PPP2R2B: variants seen among roughly 807,000 people sequenced by gnomAD.
PPP2R2B encodes the protein protein phosphatase 2 regulatory subunit Bbeta.
A neutral mutation model predicts 46.0 loss-of-function variants in PPP2R2B; 5 were observed. The ratio of observed to expected loss-of-function variants is 0.11; its 90% CI spans 0.06 to 0.23. The LOEUF is 0.23. Among genes scored for constraint, PPP2R2B ranks in the 10% least tolerant of loss-of-function variants. The probability of loss-of-function intolerance (pLI) is 1.00; values close to 1 mark genes in which losing one functional copy is unlikely to be tolerated. For missense variants in PPP2R2B, 367 were observed against 575.0 expected (o/e 0.64, Z 3.70); for synonymous variants, 215 against 206.7 (o/e 1.04, Z -0.34).
intron 5 of PPP2R2B, among the ~76,000 whole-genome samples, chr5:146,671,084 C>T (rs561000734): frequency 1.3e-5 from 2 of 151,980 alleles, no homozygotes; most frequent in Non-Finnish European, 2.9e-5. Flanking sequence ...TTGATGTCAT[C>T]AGAATAATTT....
chr5:146,700,769 C>T (rs984842127), intron 3 of PPP2R2B, among the ~76,000 whole-genome samples: 4 of 152,302 alleles, frequency 2.6e-5, no homozygotes, highest in Admixed American at 6.5e-5. Flanking sequence ...GCTCAACAAG[C>T]ACCCATGGAA....
intron 2 of PPP2R2B, among the ~76,000 whole-genome samples, chr5:146,787,544 G>C (rs888607005): frequency 6.7e-6 from 1 of 148,588 alleles, no homozygotes; most frequent in African/African-American, 2.5e-5. Flanking sequence ...CTCCCCTCTC[G>C]CCTCTCCCCT....
chr5:146,589,974 T>G lies in PPP2R2B; in HGVS notation c.1305A>C (p.Leu435=), dbSNP rs201706230. 4.3e-6 allele frequency: 7 copies of G among 1,614,098 alleles called. No individual in the cohort carries two copies. The East Asian group carries it at 1.6e-4, about 36-fold the overall frequency. Residue 435 remains leucine (L), a synonymous_variant, in exon 10 of 10, where the codon CTA becomes CTC. Transcript: ENST00000394411. ...NIIAVAATNN[L]YIFQDKVN ...AGTTAACCTTGTCCTGGAATATATATAGGTTATTTGTAGCCGCCACTGCTA... is the reference window on the plus strand; with the variant it reads ...AGTTAACCTTGTCCTGGAATATATAGAGGTTATTTGTAGCCGCCACTGCTA...
intron 2 of PPP2R2B, among the ~76,000 whole-genome samples, chr5:147,066,222 A>G (rs1561609787): frequency 6.6e-6 from 1 of 152,188 alleles, no homozygotes; most frequent in Non-Finnish European, 1.5e-5. Context: ...GCCAAAATCT[A>G]GGTATTGGAA....
Position 146,589,067 on chromosome 5 carries a change from C to CATTGA in PPP2R2B, c.*879_*880insTCAAT, listed in dbSNP as rs1770330617. ...CAGATAATAAGCACCCAGGACTCGGCCTTTAGAAGTCAATGGAATAAATAA... is the reference window on the plus strand; with the variant it reads ...CAGATAATAAGCACCCAGGACTCGGCATTGACTTTAGAAGTCAATGGAATAAATAA... On this transcript the variant is annotated 3_prime_UTR_variant, in exon 10 of 10. Coordinates refer to ENST00000394411, the MANE Select transcript of PPP2R2B (RefSeq NM_181675.4). 6.6e-6 allele frequency: 1 copy of CATTGA among 152,046 alleles called. No individual in the cohort carries two copies. Among genetic ancestry groups the CATTGA allele is most frequent in the Non-Finnish European group, 1.5e-5 (1 of 68,048 alleles). The allele number at this position is 152,046 out of a possible 1,614,324, so 9.4% of individuals were successfully genotyped here. A position where few individuals can be genotyped will look rare whatever the true frequency, so the allele number is the denominator to read the frequency against.
chr5:147,031,872 T>C (rs1561588315), intron 1 of PPP2R2B, among the ~76,000 whole-genome samples: 1 of 152,154 alleles, frequency 6.6e-6, no homozygotes, highest in Non-Finnish European at 1.5e-5. Context: ...GATTCTCAAC[T>C]CTCACCTTAT....
intron 2 of PPP2R2B, among the ~76,000 whole-genome samples, chr5:146,834,842 G>C (rs1034120850): frequency 1.2e-4 from 18 of 152,066 alleles, no homozygotes; most frequent in Non-Finnish European, 2.1e-4. Context: ...AGTATTCAAT[G>C]TTTAGCTCCA....
intron 5 of PPP2R2B, among the ~76,000 whole-genome samples, chr5:146,668,235 C>T (rs1354371778): frequency 6.6e-6 from 1 of 152,190 alleles, no homozygotes; most frequent in African/African-American, 2.4e-5. Flanking sequence ...TTTGACAACC[C>T]TCCTGGAATC....
At chr5:147,022,931 C>A (rs536337972) in intron 1 of PPP2R2B, among the ~76,000 whole-genome samples, 3 of 152,096 alleles carry the variant, frequency 2.0e-5, no homozygotes, top group African/African-American at 7.2e-5. Context: ...TGAGTGAATT[C>A]ATTGTCATGC....
chr5:146,862,241 C>G (rs1177509194), intron 2 of PPP2R2B, among the ~76,000 whole-genome samples: 2 of 152,168 alleles, frequency 1.3e-5, no homozygotes, highest in East Asian at 3.8e-4. Flanking sequence ...GGCTGCTCTC[C>G]TAACTACAGA....
At chr5:146,881,529 C>T (rs1762168243), upstream of PPP2R2B, among the ~76,000 whole-genome samples, 1 of 152,166 alleles carries the variant, frequency 6.6e-6, no homozygotes, top group Admixed American at 6.5e-5. Flanking sequence ...TCTCATGCGT[C>T]AGACTCCTGA....
At chr5:147,077,306 ACACACC>A (rs768095229) in intron 2 of PPP2R2B, among the ~76,000 whole-genome samples, 4,908 of 140,956 alleles carry the variant, frequency 0.035, 112 homozygotes, top group East Asian at 0.13. Context: ...ACACACACAC[ACACACC>A]CACACCCACA....
At chr5:146,950,694 A>G (rs1053364462) in intron 1 of PPP2R2B, among the ~76,000 whole-genome samples, 1 of 151,998 alleles carries the variant, frequency 6.6e-6, no homozygotes, top group Non-Finnish European at 1.5e-5. Flanking sequence ...TGCTGGACCT[A>G]ACATCACAGG....
rs946941039 is a variant in PPP2R2B, at chr5:147,055,037, G to GA, written c.79+627dup. 1.1e-4 allele frequency among the ~76,000 whole-genome samples: 17 copies of GA among 152,194 alleles called. 1 individual carries two copies. The highest frequency in any genetic ancestry group is 3.9e-4 in the Admixed American group (6 of 15,292). On this transcript the variant is annotated intron_variant, in intron 1 of 8. Transcript: ENST00000336640. The stretch of plus-strand genomic sequence containing the variant: ...TAGAAGGCAGCAGAGAAGGTCCCCA[G>GA]AAAAAAACAGGAAATGGGGAAGGTG...
At chr5:147,029,463 G>T (rs913614633) in intron 1 of PPP2R2B, among the ~76,000 whole-genome samples, 2 of 151,972 alleles carry the variant, frequency 1.3e-5, no homozygotes, top group Non-Finnish European at 1.5e-5. Context: ...TGTGTTTCTG[G>T]ACTTTATTAT....
chr5:146,992,938 TTTTATTTTTATG>T (rs1194319614), intron 1 of PPP2R2B, among the ~76,000 whole-genome samples: 11 of 152,176 alleles, frequency 7.2e-5, no homozygotes, highest in Non-Finnish European at 1.5e-4. Context: ...GAAAAATCTT[TTTTATTTTTATG>T]TTTATTTTTT....
chr5:146,698,347 TATATAC>T (rs1224333093), intron 3 of PPP2R2B, among the ~76,000 whole-genome samples: 96 of 112,810 alleles, frequency 8.5e-4, no homozygotes, highest in East Asian at 3.5e-3. Context: ...TATATATATA[TATATAC>T]ACACACATAT....
At position 146,923,878 on chromosome 5, in the gene PPP2R2B, T is replaced by A. The variant is rs563273950; in HGVS notation, c.79+131787A>T. Among the ~76,000 whole-genome samples, 3 of 152,344 alleles carry A rather than the reference T, an allele frequency of 2.0e-5. No homozygotes were observed. The East Asian group carries it at 5.8e-4, about 29-fold the overall frequency. On this transcript the variant is annotated intron_variant, in intron 1 of 8. Coordinates refer to the PPP2R2B transcript ENST00000336640. ...AATATGGTACATATACACCGTGGAC[T>A]ACTATGCAGCCACAGGAAAGAAGAA...
chr5:146,643,122 A>G (rs1283651313), intron 6 of PPP2R2B, among the ~76,000 whole-genome samples: 2 of 152,182 alleles, frequency 1.3e-5, no homozygotes, highest in Non-Finnish European at 2.9e-5. Context: ...GGGTAAGGAA[A>G]GTTAGGTACA....
Sources: allele counts gnomAD v4.1 joint callset (sites outside exome capture counted in the v4.1 genomes callset), GRCh38; gene constraint gnomAD v4.1.1; transcripts MANE v1.5; gene names NCBI Gene and HGNC (gene_info 2026-07-23, HGNC 2026-07-21).